BNC2: variants seen among roughly 807,000 people sequenced by gnomAD.
BNC2 encodes the protein basonuclin zinc finger protein 2.
A neutral mutation model predicts 76.3 loss-of-function variants in BNC2; 20 were observed. The ratio of observed to expected loss-of-function variants is 0.26; its 90% CI spans 0.18 to 0.38. The LOEUF (loss-of-function observed/expected upper bound fraction) is 0.38. BNC2 is among the 10% of genes least tolerant of loss of function. BNC2 has a pLI of 1.00. For synonymous variants in BNC2, 582 were observed against 514.8 expected, an observed-to-expected ratio of 1.13 and a Z score of -1.77; for missense variants, 1,382 against 1,399.8, an observed-to-expected ratio of 0.99 and a Z score of 0.20.
At chr9:16,665,697 C>G (rs1040899750) in intron 3 of BNC2, among the ~76,000 whole-genome samples, 6 of 152,102 alleles carry the variant, frequency 3.9e-5, no homozygotes, top group African/African-American at 1.2e-4. Context: ...ATTTTCTAAT[C>G]AGAACAAAAT....
intron 1 of BNC2, among the ~76,000 whole-genome samples, chr9:16,771,584 A>T (rs772883244): frequency 6.6e-6 from 1 of 152,230 alleles, no homozygotes; most frequent in Non-Finnish European, 1.5e-5. Context: ...AGCAAAAAAG[A>T]TAAGACGTTT....
intron 5 of BNC2, among the ~76,000 whole-genome samples, chr9:16,444,359 A>G (rs1292540242): frequency 6.6e-6 from 1 of 152,150 alleles, no homozygotes; most frequent in African/African-American, 2.4e-5. Flanking sequence ...CTACAGAGCT[A>G]ACACCAATAT....
intron 3 of BNC2, among the ~76,000 whole-genome samples, chr9:16,635,118 T>C (rs1441754789): frequency 1.3e-5 from 2 of 152,204 alleles, no homozygotes; most frequent in Non-Finnish European, 2.9e-5. Context: ...CTTAGCTGCA[T>C]TATTTCAGCA....
At chr9:16,539,544 A>T (rs1818236038) in intron 5 of BNC2, among the ~76,000 whole-genome samples, 1 of 132,526 alleles carries the variant, frequency 7.5e-6, no homozygotes, top group Non-Finnish European at 1.6e-5. Flanking sequence ...AGAGGAAGAG[A>T]GGGAGAGAGG....
At chr9:16,446,622 T>C (rs537831653) in intron 5 of BNC2, among the ~76,000 whole-genome samples, 1 of 152,282 alleles carries the variant, frequency 6.6e-6, no homozygotes, top group East Asian at 1.9e-4. Context: ...TTCATGTGGT[T>C]CTTCTGATTT....
intron 3 of BNC2, among the ~76,000 whole-genome samples, chr9:16,660,628 G>A (rs1822084519): frequency 6.6e-6 from 1 of 151,988 alleles, no homozygotes; most frequent in East Asian, 1.9e-4. Flanking sequence ...AGGACAAAAA[G>A]GGGGAAAAAC....
chr9:16,541,839 T>C (rs1190616142), intron 5 of BNC2, among the ~76,000 whole-genome samples: 1 of 152,150 alleles, frequency 6.6e-6, no homozygotes, highest in Non-Finnish European at 1.5e-5. Flanking sequence ...TTGTCACTGA[T>C]CTGTGTTCCA....
intron 1 of BNC2, among the ~76,000 whole-genome samples, chr9:16,757,120 T>G (rs1482807191): frequency 9.2e-5 from 14 of 152,110 alleles, no homozygotes; most frequent in Non-Finnish European, 1.8e-4. Context: ...ATGGCAGGGC[T>G]CTTTGAACCT....
Position 16,500,310 on chromosome 9 carries a change from A to C in BNC2, c.669+52220T>G, listed in dbSNP as rs1822491527. ...TCCCCAAACCCTGGGCATTTAATGA[A>C]CATCCAATTCATTTGACTTCTTGCC... is the stretch of plus-strand genomic sequence containing the variant. On this transcript the variant is annotated intron_variant, in intron 5 of 6. Transcript: ENST00000380672. 2.0e-5 allele frequency among the ~76,000 whole-genome samples: 3 copies of C among 152,168 alleles called. No homozygotes were observed. The South Asian group carries it at 6.2e-4, about 31-fold the overall frequency.
rs534129695 is a variant in BNC2 at position 16,516,127 on chromosome 9, G to A, written c.669+36403C>T. ...AGTGCCTTATGCCCTCTTGCCTTTC[G>A]GGTGGCCTGGTAAACACACAGCCTA... is the stretch of plus-strand genomic sequence containing the variant. On this transcript the variant is annotated intron_variant, in intron 5 of 6. Coordinates refer to ENST00000380672, the MANE Select transcript of BNC2 (RefSeq NM_017637.6). Among the ~76,000 whole-genome samples, 11 of 152,232 alleles carry A rather than the reference G, an allele frequency of 7.2e-5. No individual in the cohort carries two copies. In the East Asian group the frequency reaches 1.2e-3, roughly 16 times the overall value.
chr9:16,737,600 G>C (rs983508189), intron 2 of BNC2, among the ~76,000 whole-genome samples: 1 of 151,110 alleles, frequency 6.6e-6, no homozygotes, highest in Non-Finnish European at 1.5e-5. Context: ...GGCAAGTCTG[G>C]GAACTCCTAC....
At chr9:16,752,721 C>T (rs1043629623) in intron 1 of BNC2, among the ~76,000 whole-genome samples, 3 of 152,120 alleles carry the variant, frequency 2.0e-5, no homozygotes, top group African/African-American at 7.2e-5. Context: ...AAAATCGCAA[C>T]AATCTTTTTT....
At chr9:16,859,354 CA>C (rs1393358814) in intron 1 of BNC2, among the ~76,000 whole-genome samples, 1 of 152,112 alleles carries the variant, frequency 6.6e-6, no homozygotes, top group African/African-American at 2.4e-5. Flanking sequence ...CATATATGTC[CA>C]AAGATTGAAA....
intron 3 of BNC2, among the ~76,000 whole-genome samples, chr9:16,723,038 A>G (rs1370993888): frequency 6.6e-6 from 1 of 152,174 alleles, no homozygotes; most frequent in Non-Finnish European, 1.5e-5. Context: ...TTACCACTCA[A>G]ATTAAGAGGG....
chr9:16,581,977 A>G (rs1174975976), intron 4 of BNC2, among the ~76,000 whole-genome samples: 3 of 152,106 alleles, frequency 2.0e-5, no homozygotes, highest in African/African-American at 4.8e-5. Context: ...ACGCCCTCAC[A>G]AGCAAGGTAC....
At chr9:16,453,486 T>C (rs1367314296) in intron 5 of BNC2, among the ~76,000 whole-genome samples, 2 of 152,182 alleles carry the variant, frequency 1.3e-5, no homozygotes, top group Non-Finnish European at 2.9e-5. Context: ...TTTATACCTA[T>C]TCTCCCAAGC....
chr9:16,786,778 C>T (rs1260202087), intron 1 of BNC2, among the ~76,000 whole-genome samples: 3 of 152,108 alleles, frequency 2.0e-5, no homozygotes, highest in Non-Finnish European at 2.9e-5. Flanking sequence ...AAGAGCAAAA[C>T]CACAAAGAGT....
At chr9:16,714,225 A>G (rs1392503863) in intron 3 of BNC2, among the ~76,000 whole-genome samples, 1 of 152,272 alleles carries the variant, frequency 6.6e-6, no homozygotes, top group East Asian at 1.9e-4. Flanking sequence ...GCTTTGAAAT[A>G]GCCTAGCATA....
intron 5 of BNC2, among the ~76,000 whole-genome samples, chr9:16,447,614 T>C (rs1026499803): frequency 3.3e-5 from 5 of 152,098 alleles, no homozygotes; most frequent in African/African-American, 1.2e-4. Context: ...GTGATGTGAT[T>C]ACAGTCACTA....
Sources: allele counts gnomAD v4.1 joint callset (sites outside exome capture counted in the v4.1 genomes callset), GRCh38; gene constraint gnomAD v4.1.1; transcripts MANE v1.5; gene names NCBI Gene and HGNC (gene_info 2026-07-23, HGNC 2026-07-21).